The following STK39 variants were observed in gnomAD, a reference collection of about 807,000 sequenced individuals.
STK39 encodes STE20/SPS1-related proline-alanine-rich protein kinase.
A neutral mutation model predicts 77.8 loss-of-function variants in STK39; 20 were observed. The ratio of observed to expected loss-of-function variants is 0.26; its 90% CI spans 0.18 to 0.37. STK39 has a LOEUF of 0.37. Among genes scored for constraint, STK39 ranks in the 10% least tolerant of loss-of-function variants. The pLI is 1.00. For missense variants in STK39, 479 were observed against 656.5 expected, an observed-to-expected ratio of 0.73 and a Z score of 2.95; for synonymous variants, 246 against 234.1, an observed-to-expected ratio of 1.05 and a Z score of -0.47.
intron 10 of STK39, 88 bp downstream of exon 10, chr2:168,129,453 T>A (rs1243720957): frequency 7.1e-7 from 1 of 1,416,212 alleles, no homozygotes; most frequent in African/African-American, 1.4e-5. Context: ...ATATCCTGCA[T>A]ATGTGGAAAT....
At chr2:168,022,688 TAAC>T (rs1684599250) in intron 14 of STK39, among the ~76,000 whole-genome samples, 1 of 152,248 alleles carries the variant, frequency 6.6e-6, no homozygotes, top group Non-Finnish European at 1.5e-5. Flanking sequence ...ATATAAAATA[TAAC>T]TTCTGCTGAT....
At chr2:168,210,030 A>AAAGAAAGGAAGGAAGGAAGG in intron 1 of STK39, among the ~76,000 whole-genome samples, 1 of 110,104 alleles carries the variant, frequency 9.1e-6, no homozygotes, top group East Asian at 3.1e-4. Context: ...GAAAGGAAAG[A>AAAGAAAGGAAGGAAGGAAGG]AAGGAAGGAA....
At chr2:168,172,072 A>T (rs981490204) in intron 2 of STK39, among the ~76,000 whole-genome samples, 1 of 152,194 alleles carries the variant, frequency 6.6e-6, no homozygotes, top group Non-Finnish European at 1.5e-5. Context: ...CCTTTTCTGT[A>T]AAAGGAGATT....
chr2:168,061,514 G>C (rs1685665278), intron 14 of STK39, among the ~76,000 whole-genome samples: 1 of 152,182 alleles, frequency 6.6e-6, no homozygotes, highest in Non-Finnish European at 1.5e-5. Context: ...TTGATGAATA[G>C]TGTGCATTGT....
chr2:168,208,661 TCTC>T (rs1345381823), intron 1 of STK39, among the ~76,000 whole-genome samples: 1 of 152,212 alleles, frequency 6.6e-6, no homozygotes, highest in African/African-American at 2.4e-5. Flanking sequence ...CTTACAAATG[TCTC>T]CTTCTTGAGC....
intron 1 of STK39, among the ~76,000 whole-genome samples, chr2:168,195,683 T>TAA (rs1689451634): frequency 6.6e-6 from 1 of 152,184 alleles, no homozygotes; most frequent in African/African-American, 2.4e-5. Context: ...TCCATCCAGT[T>TAA]AGAGTAACAA....
intron 14 of STK39, among the ~76,000 whole-genome samples, chr2:168,041,054 C>T (rs80332102): frequency 0.013 from 2,051 of 152,224 alleles, 18 homozygotes; most frequent in Non-Finnish European, 0.022. Flanking sequence ...CAAAATAGAC[C>T]TGGTCCTTGC....
rs143181923 is a variant in STK39, at chr2:168,036,646, G to T, written c.1377-19551C>A. ...GTCTAGATATCTCTGGCTGGATGAG[G>T]TTCAGAGGAGCAGCACCCATTGCAT... On this transcript the variant is annotated intron_variant, in intron 14 of 17. Coordinates refer to ENST00000355999, the MANE Select transcript of STK39 (RefSeq NM_013233.3). Among the ~76,000 whole-genome samples the T allele has an allele frequency of 1.1e-4, 16 of 152,340 alleles. No individual in the cohort carries two copies. In the East Asian group the frequency reaches 3.1e-3, roughly 29 times the overall value.
intron 16 of STK39, among the ~76,000 whole-genome samples, chr2:167,979,195 C>T (rs1683355058): frequency 6.6e-6 from 1 of 152,144 alleles, no homozygotes; most frequent in African/African-American, 2.4e-5. Context: ...AGATACCTAG[C>T]AGTGGAATGG....
chr2:168,149,902 A>G (rs1688235727), intron 5 of STK39, among the ~76,000 whole-genome samples: 1 of 152,230 alleles, frequency 6.6e-6, no homozygotes, highest in Admixed American at 6.5e-5. Flanking sequence ...ACCTACACCA[A>G]AGAAAATAGC....
chr2:168,038,193 C>T (rs561276719), intron 14 of STK39, among the ~76,000 whole-genome samples: 24 of 151,850 alleles, frequency 1.6e-4, no homozygotes, highest in African/African-American at 4.6e-4. Flanking sequence ...GAAGAAAGAA[C>T]AAAATGTTAA....
At position 168,247,413 on chromosome 2, in the gene STK39, G is replaced by A. The variant is rs771911950; in HGVS notation, c.23C>T (p.Pro8Leu). Reference sequence around the variant, plus strand: ...CTGCTGGGGAAGCTGGACGTGCACGGGCGAGCCGCTCGGCTCCGCCATGAT... The same window carrying A: ...CTGCTGGGGAAGCTGGACGTGCACGAGCGAGCCGCTCGGCTCCGCCATGAT... MAEPSGS[P>L]VHVQLPQQAA... The change falls in exon 1 of 18, where the codon CCC becomes CTC. Residue 8 changes from proline (P) to leucine (L), a missense_variant. This residue lies in a region of STK39 where 96 missense variants were observed against 79.1 expected (regional missense o/e 1.21). Transcript: ENST00000355999. 1.6e-6 allele frequency: 2 copies of A among 1,221,758 alleles called. No homozygotes were observed. The highest frequency in any genetic ancestry group is 3.3e-5 in the Admixed American group (1 of 30,402). 75.7% of individuals were successfully genotyped at this position (1,221,758 alleles called of 1,614,324 possible). A position where few individuals can be genotyped will look rare whatever the true frequency, so the allele number is the denominator to read the frequency against.
intron 1 of STK39, among the ~76,000 whole-genome samples, chr2:168,245,359 G>A (rs1444463734): frequency 1.3e-5 from 2 of 152,334 alleles, no homozygotes; most frequent in South Asian, 2.1e-4. Flanking sequence ...ACTTAGGGCA[G>A]GGATCACTTT....
intron 16 of STK39, among the ~76,000 whole-genome samples, chr2:167,989,647 C>T (rs1683647660): frequency 1.3e-5 from 2 of 152,114 alleles, no homozygotes; most frequent in Non-Finnish European, 2.9e-5. Context: ...TTAAAAAGAA[C>T]ATTAGGTTTG....
At chr2:168,022,457 C>A (rs896733834) in intron 14 of STK39, among the ~76,000 whole-genome samples, 1 of 152,200 alleles carries the variant, frequency 6.6e-6, no homozygotes, top group African/African-American at 2.4e-5. Flanking sequence ...AGCTGGAAAG[C>A]TTCTTCCCCA....
At chr2:168,031,958 A>G (rs1443783483) in intron 14 of STK39, among the ~76,000 whole-genome samples, 1 of 152,222 alleles carries the variant, frequency 6.6e-6, no homozygotes, top group Non-Finnish European at 1.5e-5. Context: ...ACTCATTATT[A>G]CAATGGTTTG....
chr2:168,097,694 A>G (rs546747642), intron 10 of STK39, among the ~76,000 whole-genome samples: 1 of 152,132 alleles, frequency 6.6e-6, no homozygotes, highest in Admixed American at 6.6e-5. Context: ...TGATCATGCC[A>G]CTGCATTCCA....
intron 10 of STK39, among the ~76,000 whole-genome samples, chr2:168,105,433 A>G (rs762432038): frequency 3.3e-5 from 5 of 152,222 alleles, no homozygotes; most frequent in Non-Finnish European, 5.9e-5. Flanking sequence ...ATCAGACACA[A>G]TCTGAAAGGC....
intron 16 of STK39, among the ~76,000 whole-genome samples, chr2:167,974,895 A>G (rs1051374211): frequency 3.3e-5 from 5 of 152,230 alleles, no homozygotes; most frequent in African/African-American, 4.8e-5. Flanking sequence ...GGGTTATAAA[A>G]CTGCTAACTG....
Sources: allele counts gnomAD v4.1 joint callset (sites outside exome capture counted in the v4.1 genomes callset), GRCh38; gene constraint gnomAD v4.1.1; regional missense constraint gnomAD v4.1.1; transcripts MANE v1.5; gene names NCBI Gene and HGNC (gene_info 2026-07-23, HGNC 2026-07-21).